CTNNA3: variants seen among roughly 807,000 people sequenced by gnomAD.
CTNNA3 encodes catenin alpha 3.
In CTNNA3, 76 loss-of-function variants were observed where a neutral mutation model predicts 95.7. The observed-to-expected ratio is 0.79, with a 90% CI of 0.66 to 0.96. CTNNA3 has a LOEUF of 0.96. CTNNA3 is among the 40% of genes least tolerant of loss of function. The pLI, the probability that CTNNA3 is intolerant of heterozygous loss-of-function variation, is 0.00. For synonymous variants in CTNNA3, 431 were observed against 374.4 expected, an observed-to-expected ratio of 1.15 and a Z score of -1.74; for missense variants, 1,191 against 1,089.8, an observed-to-expected ratio of 1.09 and a Z score of -1.31.
At chr10:66,343,890 T>C (rs1295070865) in intron 12 of CTNNA3, among the ~76,000 whole-genome samples, 3 of 151,904 alleles carry the variant, frequency 2.0e-5, no homozygotes, top group Non-Finnish European at 4.4e-5. Flanking sequence ...GCCCTCTCAA[T>C]CTTCAAATTC....
At chr10:66,645,553 C>T (rs982231183) in intron 9 of CTNNA3, among the ~76,000 whole-genome samples, 1 of 152,082 alleles carries the variant, frequency 6.6e-6, no homozygotes, top group Non-Finnish European at 1.5e-5. Flanking sequence ...TATGGGTCCC[C>T]TATTCCAGGG....
intron 11 of CTNNA3, among the ~76,000 whole-genome samples, chr10:66,501,497 A>G (rs1325743276): frequency 6.6e-6 from 1 of 152,154 alleles, no homozygotes; most frequent in Non-Finnish European, 1.5e-5. Context: ...TTTATCCACC[A>G]TTTCATCTCT....
chr10:67,369,793 T>A (rs1285749170), intron 5 of CTNNA3, among the ~76,000 whole-genome samples: 1 of 152,046 alleles, frequency 6.6e-6, no homozygotes, highest in East Asian at 1.9e-4. Context: ...CTTAGAAAAA[T>A]AACCAAAGTT....
At chr10:66,804,713 C>T (rs567729563) in intron 7 of CTNNA3, among the ~76,000 whole-genome samples, 5 of 152,084 alleles carry the variant, frequency 3.3e-5, no homozygotes, top group African/African-American at 1.2e-4. Flanking sequence ...GACCTAATCC[C>T]GTTGCATTGT....
At chr10:66,004,074 G>A (rs1472039580) in intron 15 of CTNNA3, among the ~76,000 whole-genome samples, 9 of 152,200 alleles carry the variant, frequency 5.9e-5, no homozygotes, top group African/African-American at 2.2e-4. Context: ...AGTTTCAAAT[G>A]AATAGCAAGG....
chr10:66,327,948 A>G (rs2092276284), intron 12 of CTNNA3, among the ~76,000 whole-genome samples: 1 of 152,082 alleles, frequency 6.6e-6, no homozygotes, highest in African/African-American at 2.4e-5. Context: ...TTACTTACTC[A>G]GGAAAGATGA....
intron 11 of CTNNA3, among the ~76,000 whole-genome samples, chr10:66,461,102 T>A (rs1015455299): frequency 1.3e-5 from 2 of 152,106 alleles, no homozygotes; most frequent in Admixed American, 1.3e-4. Flanking sequence ...TAAAAACTGG[T>A]CATTAGAGGA....
At chr10:67,519,183 G>A (rs887771447) in intron 5 of CTNNA3, among the ~76,000 whole-genome samples, 20 of 152,110 alleles carry the variant, frequency 1.3e-4, no homozygotes, top group African/African-American at 4.8e-4. Flanking sequence ...AAAAACAGAA[G>A]TGAGAGAATG....
At chr10:67,130,102 C>T (rs565391987) in intron 7 of CTNNA3, among the ~76,000 whole-genome samples, 10 of 152,144 alleles carry the variant, frequency 6.6e-5, no homozygotes, top group Admixed American at 2.0e-4. Flanking sequence ...GTTCAAGCAC[C>T]CATCACCATT....
chr10:66,812,414 T>A (rs539622715), intron 7 of CTNNA3, among the ~76,000 whole-genome samples: 1 of 152,250 alleles, frequency 6.6e-6, no homozygotes, highest in African/African-American at 2.4e-5. Context: ...TAATGCTAAA[T>A]CCTAATTCAT....
intron 10 of CTNNA3, among the ~76,000 whole-genome samples, chr10:66,594,484 T>C (rs1378082665): frequency 2.0e-5 from 3 of 152,172 alleles, no homozygotes; most frequent in African/African-American, 7.2e-5. Flanking sequence ...GACCTGGTCC[T>C]TGCCCTATCT....
chr10:67,176,825 G>A, intron 7 of CTNNA3: 1 of 419,580 alleles, frequency 2.4e-6, no homozygotes, highest in Non-Finnish European at 4.7e-6. Flanking sequence ...CTTAGAAGAT[G>A]GAGGCAGAGG....
chr10:66,684,778 G>T (rs1847189401), intron 9 of CTNNA3, among the ~76,000 whole-genome samples: 1 of 152,066 alleles, frequency 6.6e-6, no homozygotes, highest in Admixed American at 6.6e-5. Context: ...ACACGTGCAT[G>T]ATTCTAGAGG....
chr10:66,336,107 C>A (rs1033186641), intron 12 of CTNNA3, among the ~76,000 whole-genome samples: 1 of 152,062 alleles, frequency 6.6e-6, no homozygotes, highest in African/African-American at 2.4e-5. Flanking sequence ...GGGAGTGACC[C>A]GATTTTCCAG....
At chr10:66,066,142 C>T (rs777611662) in intron 15 of CTNNA3, among the ~76,000 whole-genome samples, 6 of 151,990 alleles carry the variant, frequency 3.9e-5, no homozygotes, top group African/African-American at 7.2e-5. Flanking sequence ...GGATTACAGG[C>T]GTGAGCCACC....
intron 15 of CTNNA3, among the ~76,000 whole-genome samples, chr10:66,015,983 A>T (rs1305336212): frequency 3.3e-5 from 5 of 152,200 alleles, no homozygotes; most frequent in Admixed American, 1.3e-4. Context: ...CACTCAGATC[A>T]CGGGAATTTA....
intron 10 of CTNNA3, among the ~76,000 whole-genome samples, chr10:66,555,384 C>T (rs180740943): frequency 6.6e-6 from 1 of 152,160 alleles, no homozygotes; most frequent in Admixed American, 6.6e-5. Flanking sequence ...TGCCCAGTTA[C>T]GTTTACACTT....
chr10:66,948,495 C>A (rs529908981), intron 7 of CTNNA3, among the ~76,000 whole-genome samples: 4 of 152,034 alleles, frequency 2.6e-5, no homozygotes, highest in African/African-American at 7.2e-5. Flanking sequence ...GACAACTGAC[C>A]GATTCTTATT....
chr10:66,918,029 T>G (rs1354728046), intron 7 of CTNNA3, among the ~76,000 whole-genome samples: 1 of 152,224 alleles, frequency 6.6e-6, no homozygotes, highest in Non-Finnish European at 1.5e-5. Context: ...GTGACTCTGG[T>G]GCCACATGTT....
Sources: gnomAD v4.1 joint callset for allele counts (sites outside exome capture counted in the v4.1 genomes callset) on GRCh38, gnomAD v4.1.1 for gene constraint, MANE v1.5 for transcripts, NCBI Gene and HGNC (gene_info 2026-07-23, HGNC 2026-07-21) for gene names.